The following CLPB variants were observed in gnomAD, a reference collection of about 807,000 sequenced individuals.
CLPB encodes the protein ClpB family mitochondrial disaggregase.
A neutral mutation model predicts 78.4 loss-of-function variants in CLPB; 40 were observed. That is an observed-to-expected ratio of 0.51 (90% CI 0.40 to 0.66). The LOEUF (loss-of-function observed/expected upper bound fraction) is 0.66. Among genes scored for constraint, CLPB ranks in the 30% least tolerant of loss-of-function variants. The pLI is 0.00. For missense variants in CLPB, 780 were observed against 886.9 expected, an observed-to-expected ratio of 0.88 and a Z score of 1.53; for synonymous variants, 333 against 348.0, an observed-to-expected ratio of 0.96 and a Z score of 0.48.
rs547364848 is a variant in CLPB at position 72,295,616 on chromosome 11, A to T, written c.1362T>A (p.Ile454=). 33 of 1,613,962 alleles carry T rather than the reference A, an allele frequency of 2.0e-5. No homozygotes were observed. In the South Asian group the frequency reaches 3.6e-4, roughly 18 times the overall value. ...GRLTDGKGKT[I]DCKDAIFIMT... ...TGATGAAGATGGCGTCCTTGCAATC[A>T]ATGGTCTTCCCTTTTCCATCTGTCA... The change falls in exon 12 of 16, where the codon ATT becomes ATA. Residue 454 remains isoleucine, a synonymous_variant. Transcript: ENST00000538039.
chr11:72,334,114 A>G (rs1950277993), intron 5 of CLPB, among the ~76,000 whole-genome samples: 1 of 152,228 alleles, frequency 6.6e-6, no homozygotes, highest in Non-Finnish European at 1.5e-5. Context: ...ACAGAGTGAG[A>G]TTAGCCTCTT....
At chr11:72,298,407 C>T (rs117237510) in intron 11 of CLPB, among the ~76,000 whole-genome samples, 4,269 of 152,276 alleles carry the variant, frequency 0.028, 99 homozygotes, top group Non-Finnish European at 0.038. Context: ...TCATTGGTCA[C>T]GCCAAGGCCA....
At chr11:72,322,969 G>A (rs1227477074) in intron 6 of CLPB, among the ~76,000 whole-genome samples, 1 of 152,174 alleles carries the variant, frequency 6.6e-6, no homozygotes, top group Non-Finnish European at 1.5e-5. Flanking sequence ...TACTGGCAGC[G>A]AGTATAGAGA....
intron 7 of CLPB, among the ~76,000 whole-genome samples, chr11:72,315,216 C>G (rs1707719356): frequency 6.6e-6 from 1 of 152,068 alleles, no homozygotes; most frequent in Admixed American, 6.5e-5. Flanking sequence ...CTACACAGAT[C>G]AGAACACAGG....
chr11:72,303,973 A>C (rs1949703107), intron 9 of CLPB: 1 of 152,218 alleles, frequency 6.6e-6, no homozygotes, highest in South Asian at 2.1e-4. Context: ...CCTCTCTGCC[A>C]ATCAGCTGGG....
chr11:72,415,604 T>G (rs1855999819), intron 2 of CLPB, among the ~76,000 whole-genome samples: 1 of 152,206 alleles, frequency 6.6e-6, no homozygotes, highest in Admixed American at 6.5e-5. Flanking sequence ...TTTCAAATAT[T>G]ACAAATTCAC....
chr11:72,297,596 C>T (rs1436842319), intron 11 of CLPB, among the ~76,000 whole-genome samples: 1 of 147,978 alleles, frequency 6.8e-6, no homozygotes, highest in Non-Finnish European at 1.5e-5. Context: ...GGGTTCTAAT[C>T]TAACAGATCC....
intron 5 of CLPB, among the ~76,000 whole-genome samples, chr11:72,331,366 T>G (rs1440096337): frequency 6.7e-6 from 1 of 149,786 alleles, no homozygotes; most frequent in Non-Finnish European, 1.5e-5. Context: ...ATCGCGCCAC[T>G]GCACTCTAGC....
At chr11:72,425,751 C>G (rs756355737) in intron 2 of CLPB, among the ~76,000 whole-genome samples, 2 of 152,208 alleles carry the variant, frequency 1.3e-5, no homozygotes, top group Non-Finnish European at 2.9e-5. Context: ...GCATACCCCC[C>G]AGGCTGCTCC....
chr11:72,348,032 G>T (rs1950546590), intron 5 of CLPB, among the ~76,000 whole-genome samples: 1 of 152,202 alleles, frequency 6.6e-6, no homozygotes, highest in African/African-American at 2.4e-5. Flanking sequence ...AGACAGTTCT[G>T]TCAACACCGT....
chr11:72,368,189 C>A (rs1156941213), intron 4 of CLPB, among the ~76,000 whole-genome samples: 1 of 152,156 alleles, frequency 6.6e-6, no homozygotes, highest in Non-Finnish European at 1.5e-5. Flanking sequence ...GTCCTGAAGG[C>A]TAACATCCCA....
At chr11:72,308,074 T>C (rs117999328) in intron 8 of CLPB, among the ~76,000 whole-genome samples, 4,270 of 152,300 alleles carry the variant, frequency 0.028, 104 homozygotes, top group Non-Finnish European at 0.038. Context: ...AGAAAAATAC[T>C]CAACCCATCT....
At position 72,309,808 on chromosome 11, in the gene CLPB, C is replaced by T. The variant is rs1332499929; in HGVS notation, c.989-1204G>A. On this transcript the variant is annotated intron_variant, in intron 7 of 15. Coordinates refer to ENST00000538039, the MANE Select transcript of CLPB (RefSeq NM_001258392.3). ...AATGGAACAGCATGTCTGATCTGGT[C>T]CCCAGGGTGTCAGGGGAAAATTAGC... 3.9e-5 allele frequency among the ~76,000 whole-genome samples: 6 copies of T among 152,152 alleles called. No individual in the cohort carries two copies. In the East Asian group the frequency reaches 9.6e-4, roughly 24 times the overall value.
At chr11:72,389,798 T>A (rs566312225) in intron 3 of CLPB, among the ~76,000 whole-genome samples, 6 of 152,162 alleles carry the variant, frequency 3.9e-5, no homozygotes, top group Admixed American at 3.9e-4. Flanking sequence ...TGGTGGCACA[T>A]GCCTGTAGTT....
chr11:72,372,160 G>C (rs1196058339), intron 4 of CLPB, among the ~76,000 whole-genome samples: 2 of 152,134 alleles, frequency 1.3e-5, no homozygotes, highest in Non-Finnish European at 2.9e-5. Flanking sequence ...GCCATTCCTT[G>C]GACTCTAAAT....
At chr11:72,329,160 A>T (rs1263761000) in intron 6 of CLPB, among the ~76,000 whole-genome samples, 1 of 152,222 alleles carries the variant, frequency 6.6e-6, no homozygotes, top group South Asian at 2.1e-4. Flanking sequence ...CCCTGTTTTC[A>T]GGAGTTCAAA....
Position 72,301,851 on chromosome 11 carries a change from G to A in CLPB, c.1281C>T (p.Asp427=). 2.5e-6 allele frequency: 4 copies of A among 1,614,170 alleles called. No homozygotes were observed. In the South Asian group the frequency reaches 4.4e-5, roughly 18 times the overall value. The change falls in exon 11 of 16, where the codon GAC becomes GAT. Residue 427 remains aspartate (D), a synonymous_variant. Coordinates refer to ENST00000538039, the MANE Select transcript of CLPB (RefSeq NM_001258392.3). ...PNAVVLFDEV[D]KAHPDVLTIM... The stretch of plus-strand genomic sequence containing the variant: ...TGGTGAGCACATCTGGATGGGCCTT[G>A]TCTACTTCATCAAAGAGCACCACAG...
chr11:72,382,925 T>C (rs1342051819), intron 3 of CLPB, among the ~76,000 whole-genome samples: 1 of 151,706 alleles, frequency 6.6e-6, no homozygotes, highest in Non-Finnish European at 1.5e-5. Flanking sequence ...TTTAAGAAAG[T>C]TTAGCAAACA....
Position 72,286,941 on chromosome 11 carries a change from C to A in CLPB, c.*6426G>T, listed in dbSNP as rs1949398573. ...TCTTCTGTAATCATAGTATAATTAT[C>A]AAAATGAGAAAATTTAACAACACTA... On this transcript the variant is annotated 3_prime_UTR_variant, in exon 16 of 16. Coordinates refer to ENST00000538039, the MANE Select transcript of CLPB (RefSeq NM_001258392.3). 6.6e-6 allele frequency: 1 copy of A among 151,970 alleles called. No homozygotes were observed. Among genetic ancestry groups the A allele is most frequent in the Admixed American group, 6.6e-5 (1 of 15,242 alleles). The allele number at this position is 151,970 out of a possible 1,614,324, so 9.4% of individuals were successfully genotyped here. A position where few individuals can be genotyped will look rare whatever the true frequency, so the allele number is the denominator to read the frequency against.
Sources: allele counts gnomAD v4.1 joint callset (sites outside exome capture counted in the v4.1 genomes callset), GRCh38; gene constraint gnomAD v4.1.1; transcripts MANE v1.5; gene names NCBI Gene and HGNC (gene_info 2026-07-23, HGNC 2026-07-21).